SEMA6D: variants seen among roughly 807,000 people sequenced by gnomAD.
SEMA6D encodes the protein semaphorin-6D.
Under a neutral mutation model 106.6 loss-of-function variants are expected in SEMA6D, and 35 were observed. That is an observed-to-expected ratio of 0.33 (90% CI 0.25 to 0.44). The LOEUF is 0.44. SEMA6D is among the 20% of genes least tolerant of loss of function. The pLI, the probability that SEMA6D is intolerant of heterozygous loss-of-function variation, is 1.00. For synonymous variants in SEMA6D, 499 were observed against 487.7 expected, an observed-to-expected ratio of 1.02 and a Z score of -0.31; for missense variants, 1,185 against 1,345.9, an observed-to-expected ratio of 0.88 and a Z score of 1.87.
intron 1 of SEMA6D, among the ~76,000 whole-genome samples, chr15:47,357,520 G>C (rs1407961986): frequency 1.3e-5 from 2 of 152,144 alleles, no homozygotes; most frequent in Non-Finnish European, 2.9e-5. Context: ...AGGAGAGCCA[G>C]TCTGAGTTCC....
intron 1 of SEMA6D, among the ~76,000 whole-genome samples, chr15:47,754,472 A>G (rs183967495): frequency 6.6e-4 from 100 of 152,242 alleles, no homozygotes; most frequent in Non-Finnish European, 1.1e-3. Flanking sequence ...ATGTCATTCT[A>G]TGGTCTGCTG....
intron 4 of SEMA6D, among the ~76,000 whole-genome samples, chr15:47,674,819 A>G (rs2078210591): frequency 2.0e-5 from 3 of 152,138 alleles, no homozygotes; most frequent in South Asian, 2.1e-4. Context: ...AACTGACACC[A>G]TTTTGCAGCT....
intron 1 of SEMA6D, among the ~76,000 whole-genome samples, chr15:47,233,133 TG>T (rs780259645): frequency 6.6e-6 from 1 of 152,038 alleles, no homozygotes; most frequent in African/African-American, 2.4e-5. Flanking sequence ...TGCTTGAGTC[TG>T]GGGTCCAAAT....
At chr15:47,707,347 A>T (rs1415951171) in intron 4 of SEMA6D, among the ~76,000 whole-genome samples, 1 of 152,242 alleles carries the variant, frequency 6.6e-6, no homozygotes, top group African/African-American at 2.4e-5. Flanking sequence ...ACACCACACT[A>T]AGACCAAAGT....
intron 3 of SEMA6D, among the ~76,000 whole-genome samples, chr15:47,520,367 C>G (rs1337808491): frequency 6.6e-6 from 1 of 152,232 alleles, no homozygotes; most frequent in Non-Finnish European, 1.5e-5. Context: ...GAATAGGAAT[C>G]AGGTCCCCTG....
At chr15:47,427,795 A>T (rs2041389784) in intron 2 of SEMA6D, among the ~76,000 whole-genome samples, 1 of 152,068 alleles carries the variant, frequency 6.6e-6, no homozygotes, top group African/African-American at 2.4e-5. Context: ...CGTTATTGTT[A>T]TTAACTTTAA....
chr15:47,658,148 T>C (rs1270225744), intron 4 of SEMA6D, among the ~76,000 whole-genome samples: 1 of 152,210 alleles, frequency 6.6e-6, no homozygotes, highest in African/African-American at 2.4e-5. Context: ...TGAAGTTTTA[T>C]TCTTTATATA....
intron 1 of SEMA6D, among the ~76,000 whole-genome samples, chr15:47,204,034 G>A (rs1260670407): frequency 6.6e-6 from 1 of 152,136 alleles, no homozygotes; most frequent in Non-Finnish European, 1.5e-5. Flanking sequence ...AGAAGAGAGT[G>A]GTGGACACTG....
chr15:47,192,486 T>C (rs1045129902), intron 1 of SEMA6D, among the ~76,000 whole-genome samples: 3 of 152,228 alleles, frequency 2.0e-5, no homozygotes, highest in African/African-American at 4.8e-5. Flanking sequence ...GTCAAAAATT[T>C]ATATAAAGGA....
chr15:47,295,916 C>T (rs1005956567), intron 1 of SEMA6D, among the ~76,000 whole-genome samples: 1 of 152,188 alleles, frequency 6.6e-6, no homozygotes, highest in African/African-American at 2.4e-5. Context: ...CTGAAACATT[C>T]TGTGATTCAG....
chr15:47,388,231 A>G (rs1246828766), intron 1 of SEMA6D, among the ~76,000 whole-genome samples: 1 of 152,194 alleles, frequency 6.6e-6, no homozygotes, highest in Non-Finnish European at 1.5e-5. Context: ...AGTTGTATAC[A>G]CAGCCTGAGT....
chr15:47,439,828 T>C (rs1007135644), intron 2 of SEMA6D, among the ~76,000 whole-genome samples: 3 of 152,112 alleles, frequency 2.0e-5, no homozygotes, highest in Non-Finnish European at 4.4e-5. Context: ...ACTGGGATAC[T>C]GCAAAAAATT....
intron 4 of SEMA6D, among the ~76,000 whole-genome samples, chr15:47,630,168 C>T (rs1294435738): frequency 2.6e-5 from 4 of 151,900 alleles, no homozygotes; most frequent in Non-Finnish European, 4.4e-5. Flanking sequence ...TTCCCACCAA[C>T]AGTGGCATAT....
At chr15:47,305,444 A>G (rs2036196686) in intron 1 of SEMA6D, among the ~76,000 whole-genome samples, 1 of 152,346 alleles carries the variant, frequency 6.6e-6, no homozygotes, top group East Asian at 1.9e-4. Context: ...CCTTATGGCC[A>G]TTGCCCTAGA....
At chr15:47,642,542 C>T (rs1330915394) in intron 4 of SEMA6D, among the ~76,000 whole-genome samples, 1 of 152,136 alleles carries the variant, frequency 6.6e-6, no homozygotes, top group Non-Finnish European at 1.5e-5. Context: ...TCAAAGGCTT[C>T]ACTGTCTAGT....
chr15:47,292,604 G>T (rs920991723), intron 1 of SEMA6D, among the ~76,000 whole-genome samples: 3 of 152,152 alleles, frequency 2.0e-5, no homozygotes, highest in African/African-American at 7.2e-5. Context: ...CTAGCTTGGT[G>T]CACACATGGC....
At chr15:47,316,240 C>T (rs778316202) in intron 1 of SEMA6D, among the ~76,000 whole-genome samples, 5 of 151,418 alleles carry the variant, frequency 3.3e-5, no homozygotes, top group African/African-American at 1.2e-4. Context: ...TTACAGGCAC[C>T]CGCCACCACG....
chr15:47,398,682 T>C (rs2040299998), intron 1 of SEMA6D, among the ~76,000 whole-genome samples: 1 of 152,166 alleles, frequency 6.6e-6, no homozygotes, highest in Non-Finnish European at 1.5e-5. Flanking sequence ...GTGTGAAGGC[T>C]CAAAAGTAGG....
intron 3 of SEMA6D, among the ~76,000 whole-genome samples, chr15:47,502,592 A>C (rs1258352990): frequency 2.0e-5 from 3 of 152,210 alleles, no homozygotes; most frequent in Non-Finnish European, 4.4e-5. Context: ...AAAATCTGCG[A>C]CCCAAGCCAT....
Sources: gnomAD v4.1 joint callset for allele counts (sites outside exome capture counted in the v4.1 genomes callset) on GRCh38, gnomAD v4.1.1 for gene constraint, MANE v1.5 for transcripts, NCBI Gene and HGNC (gene_info 2026-07-23, HGNC 2026-07-21) for gene names.